HACE1: variants seen among roughly 807,000 people sequenced by gnomAD.
HACE1 encodes E3 ubiquitin-protein ligase HACE1.
Under a neutral mutation model 118.4 loss-of-function variants are expected in HACE1, and 73 were observed. The observed-to-expected ratio is 0.62, with a 90% CI of 0.51 to 0.75. HACE1 has a LOEUF of 0.75. Ranked by LOEUF, HACE1 falls within the 30% of genes least tolerant of loss-of-function variation. HACE1 has a pLI of 0.00. For missense variants in HACE1, 749 were observed against 1,102.2 expected, an observed-to-expected ratio of 0.68 and a Z score of 4.54; for synonymous variants, 368 against 374.8, an observed-to-expected ratio of 0.98 and a Z score of 0.21.
chr6:104,838,423 T>C (rs1046883467), intron 5 of HACE1, among the ~76,000 whole-genome samples: 2 of 152,056 alleles, frequency 1.3e-5, no homozygotes, highest in African/African-American at 4.8e-5. Flanking sequence ...AGTGAACTCA[T>C]TTTCTACAAA....
intron 2 of HACE1, 47 bp downstream of exon 2, chr6:104,852,270 C>T (rs747163701): frequency 2.6e-6 from 3 of 1,158,128 alleles, no homozygotes; most frequent in African/African-American, 1.5e-5. Context: ...ACATTTAGAA[C>T]AATGTATGCT....
chr6:104,737,807 G>C (rs988730591), intron 22 of HACE1, among the ~76,000 whole-genome samples: 2 of 152,204 alleles, frequency 1.3e-5, no homozygotes, highest in African/African-American at 4.8e-5. Context: ...GGGGAAGCCC[G>C]AACTGGGTGG....
chr6:104,774,250 C>T (rs1211336702), intron 17 of HACE1, among the ~76,000 whole-genome samples: 3 of 130,118 alleles, frequency 2.3e-5, no homozygotes, highest in Non-Finnish European at 4.8e-5. Flanking sequence ...CCACTACGCC[C>T]GGCTAATTTT....
intron 22 of HACE1, among the ~76,000 whole-genome samples, chr6:104,736,887 T>C (rs1411817571): frequency 6.6e-6 from 1 of 152,090 alleles, no homozygotes; most frequent in East Asian, 1.9e-4. Context: ...CTCTGAATAG[T>C]GGGATCACTT....
intron 1 of HACE1, among the ~76,000 whole-genome samples, chr6:104,856,867 G>A (rs1776774844): frequency 6.6e-6 from 1 of 151,942 alleles, no homozygotes; most frequent in Non-Finnish European, 1.5e-5. Context: ...CATTACTTAG[G>A]GTAATACTCA....
At chr6:104,828,975 T>A (rs1249937742) in intron 6 of HACE1, among the ~76,000 whole-genome samples, 1 of 152,072 alleles carries the variant, frequency 6.6e-6, no homozygotes, top group Admixed American at 6.6e-5. Flanking sequence ...GAAGGCGAAT[T>A]TCAGAGGATT....
At chr6:104,843,921 C>T (rs1251939440) in intron 4 of HACE1, among the ~76,000 whole-genome samples, 3 of 150,974 alleles carry the variant, frequency 2.0e-5, no homozygotes, top group African/African-American at 7.3e-5. Context: ...TGCAGTGGCA[C>T]GCTTGGTTCA....
chr6:104,849,281 C>A, intron 3 of HACE1, 35 bp from the exon 4 acceptor site: 1 of 1,116,482 alleles, frequency 9.0e-7, no homozygotes, highest in Non-Finnish European at 1.4e-6. Flanking sequence ...CAGATACATT[C>A]AACATACAGC....
chr6:104,775,942 C>A lies in HACE1; in HGVS notation c.1864+799G>T, dbSNP rs556723732. 1.3e-3 allele frequency among the ~76,000 whole-genome samples: 199 copies of A among 152,144 alleles called. 2 individuals carry two copies. Among genetic ancestry groups the A allele is most frequent in the Non-Finnish European group, 2.2e-3 (147 of 67,970 alleles). Reference sequence around the variant, plus strand: ...GGAGAGAAAAGATTTTTAGGAAAAACAAGCGACTGTGCAAAGCATTTGAAA... The same window carrying A: ...GGAGAGAAAAGATTTTTAGGAAAAAAAAGCGACTGTGCAAAGCATTTGAAA... On this transcript the variant is annotated intron_variant, in intron 17 of 23. Coordinates refer to ENST00000262903, the MANE Select transcript of HACE1 (RefSeq NM_020771.4).
intron 6 of HACE1, among the ~76,000 whole-genome samples, chr6:104,824,557 A>C (rs1188659585): frequency 2.0e-5 from 3 of 152,370 alleles, no homozygotes; most frequent in Non-Finnish European, 2.9e-5. Flanking sequence ...TGAAGAAACA[A>C]CACTACCTGA....
intron 6 of HACE1, among the ~76,000 whole-genome samples, chr6:104,815,148 A>C (rs1771984959): frequency 7.3e-6 from 1 of 137,556 alleles, no homozygotes; most frequent in South Asian, 2.2e-4. Context: ...AACTTCCCAG[A>C]GACTTGTTGA....
At chr6:104,801,307 A>C (rs1770319442) in intron 7 of HACE1, among the ~76,000 whole-genome samples, 1 of 152,232 alleles carries the variant, frequency 6.6e-6, no homozygotes, top group Non-Finnish European at 1.5e-5. Context: ...GATATTATCC[A>C]GGAGGACTTC....
intron 19 of HACE1, among the ~76,000 whole-genome samples, chr6:104,762,486 G>A (rs1779472101): frequency 6.6e-6 from 1 of 152,144 alleles, no homozygotes; most frequent in Non-Finnish European, 1.5e-5. Flanking sequence ...ACTCACAAGT[G>A]AGAGTTGAAC....
intron 6 of HACE1, among the ~76,000 whole-genome samples, chr6:104,823,318 C>T (rs1163159174): frequency 4.6e-5 from 7 of 151,888 alleles, no homozygotes; most frequent in Admixed American, 4.6e-4. Flanking sequence ...CCTGTAATCC[C>T]AGCTACTTCG....
At chr6:104,836,958 C>G (rs1774601533) in intron 5 of HACE1, among the ~76,000 whole-genome samples, 1 of 152,052 alleles carries the variant, frequency 6.6e-6, no homozygotes, top group Non-Finnish European at 1.5e-5. Context: ...CACAAAATCC[C>G]CACTGTGCTG....
intron 10 of HACE1, among the ~76,000 whole-genome samples, chr6:104,793,254 G>A (rs541400492): frequency 0.012 from 1,642 of 132,820 alleles, 30 homozygotes; most frequent in African/African-American, 0.046. Context: ...GCGATAGAGC[G>A]AGACTACATC....
chr6:104,736,755 G>C (rs191471956), intron 22 of HACE1, among the ~76,000 whole-genome samples: 1 of 152,120 alleles, frequency 6.6e-6, no homozygotes. Flanking sequence ...CAAACTGCAA[G>C]AGAAGTACCT....
At chr6:104,785,593 C>T (rs1782300018) in intron 11 of HACE1, 1 of 363,538 alleles carries the variant, frequency 2.8e-6, no homozygotes, top group Non-Finnish European at 5.0e-6. Flanking sequence ...ACAAAAAATT[C>T]ACAATCTTTC....
intron 1 of HACE1, chr6:104,858,369 T>C: frequency 4.4e-6 from 1 of 225,624 alleles, no homozygotes. Flanking sequence ...TACCAAAATC[T>C]GAATTCTAAA....
Sources: gnomAD v4.1 joint callset for allele counts (sites outside exome capture counted in the v4.1 genomes callset) on GRCh38, gnomAD v4.1.1 for gene constraint, MANE v1.5 for transcripts, NCBI Gene and HGNC (gene_info 2026-07-23, HGNC 2026-07-21) for gene names.